AVEN: variants seen among roughly 807,000 people sequenced by gnomAD.
The protein encoded by AVEN is apoptosis and caspase activation inhibitor, also known as cell death regulator Aven.
AVEN carries 41 observed loss-of-function variants against 38.1 expected under a neutral mutation model. That is an observed-to-expected ratio of 1.08 (90% CI 0.84 to 1.40). The LOEUF is 1.40. Ranked by LOEUF, AVEN falls within the 40% of genes most tolerant of loss-of-function variation. The pLI is 0.00. For synonymous variants in AVEN, 206 were observed against 171.8 expected (o/e 1.20, Z -1.56); for missense variants, 605 against 438.8 (o/e 1.38, Z -3.38).
chr15:34,069,536 G>A (rs1567497339), intron 2 of AVEN, among the ~76,000 whole-genome samples: 1 of 152,108 alleles, frequency 6.6e-6, no homozygotes, highest in Non-Finnish European at 1.5e-5. Flanking sequence ...TTTTTGGGGG[G>A]CCAAGAATAT....
At chr15:33,853,828 G>T (rs184587642), downstream of AVEN, 575 of 984,424 alleles carry the variant, frequency 5.8e-4, 4 homozygotes, top group South Asian at 4.1e-3. Flanking sequence ...CACTGGGAGA[G>T]CACTGCCTTA....
chr15:33,980,776 G>C (rs1386319823), intron 2 of AVEN, among the ~76,000 whole-genome samples: 1 of 152,110 alleles, frequency 6.6e-6, no homozygotes, highest in Non-Finnish European at 1.5e-5. Flanking sequence ...ACCTTAACTA[G>C]TTCCCAAATC....
chr15:33,960,936 GA>G (rs1895137951), intron 2 of AVEN, among the ~76,000 whole-genome samples: 1 of 152,142 alleles, frequency 6.6e-6, no homozygotes, highest in East Asian at 1.9e-4. Flanking sequence ...TTTTAAATAT[GA>G]AGTCTTTACA....
chr15:34,008,112 G>A (rs1003993975), intron 1 of AVEN, among the ~76,000 whole-genome samples: 6 of 151,986 alleles, frequency 3.9e-5, no homozygotes, highest in Admixed American at 3.3e-4. Context: ...TATCACAGGA[G>A]AAAAAAATAG....
chr15:33,981,814 G>T lies in AVEN; in HGVS notation c.445+21218C>A, dbSNP rs188523763. On this transcript the variant is annotated intron_variant, in intron 2 of 5. Transcript: ENST00000306730. Reference sequence around the variant, plus strand: ...ATGTATACAAAATACCAAATATCTAGCCAGGTACTCTATAAACAAGTTTTG... The same window carrying T: ...ATGTATACAAAATACCAAATATCTATCCAGGTACTCTATAAACAAGTTTTG... Among the ~76,000 whole-genome samples the T allele has an allele frequency of 1.2e-3, 182 of 152,044 alleles. 1 individual carries two copies. Among genetic ancestry groups the T allele is most frequent in the African/African-American group, 4.2e-3 (173 of 41,466 alleles).
At chr15:33,883,605 CA>C (rs1176986982) in intron 2 of AVEN, 1 of 151,992 alleles carries the variant, frequency 6.6e-6, no homozygotes, top group South Asian at 2.1e-4. Flanking sequence ...ATGTATATCA[CA>C]AAAAATACTA....
At chr15:33,871,897 A>G (rs1374765100) in intron 3 of AVEN, among the ~76,000 whole-genome samples, 1 of 152,218 alleles carries the variant, frequency 6.6e-6, no homozygotes, top group East Asian at 1.9e-4. Flanking sequence ...AATTGCTTTT[A>G]ATACTAAACT....
At chr15:34,009,120 GA>G (rs923600036) in intron 1 of AVEN, among the ~76,000 whole-genome samples, 1 of 151,334 alleles carries the variant, frequency 6.6e-6, no homozygotes, top group African/African-American at 2.4e-5. Context: ...GTGTTGCTAG[GA>G]AAAAAAATAA....
intron 2 of AVEN, among the ~76,000 whole-genome samples, chr15:33,924,879 T>G (rs1893555589): frequency 6.6e-6 from 1 of 152,160 alleles, no homozygotes; most frequent in Non-Finnish European, 1.5e-5. Context: ...CTGAATTAAA[T>G]AGATAATATA....
At chr15:34,000,211 T>C (rs148009091) in intron 2 of AVEN, among the ~76,000 whole-genome samples, 306 of 152,370 alleles carry the variant, frequency 2.0e-3, no homozygotes, top group African/African-American at 7.0e-3. Flanking sequence ...ATTTCTATTC[T>C]AAGCAATTAT....
intron 2 of AVEN, among the ~76,000 whole-genome samples, chr15:33,898,182 C>T (rs1367280313): frequency 2.6e-5 from 4 of 152,162 alleles, no homozygotes; most frequent in Non-Finnish European, 5.9e-5. Context: ...GTGCGAGACT[C>T]CGTCTCAAAA....
chr15:33,939,915 T>C (rs1894249671), intron 2 of AVEN, among the ~76,000 whole-genome samples: 1 of 152,200 alleles, frequency 6.6e-6, no homozygotes, highest in Non-Finnish European at 1.5e-5. Flanking sequence ...ACGTTAAATT[T>C]ACCATCTCAA....
At position 33,938,207 on chromosome 15, in the gene AVEN, T is replaced by C. The variant is rs368873603; in HGVS notation, c.446-62212A>G. Among the ~76,000 whole-genome samples the C allele has an allele frequency of 4.6e-5, 7 of 152,074 alleles. No individual in the cohort carries two copies. The East Asian group carries it at 1.4e-3, about 29-fold the overall frequency. ...GCGGTGGCTCACGCCTGTAATCCCA[T>C]TACTTTGGGAGGCCGAGGTGGGCGG... On this transcript the variant is annotated intron_variant, in intron 2 of 5. Transcript: ENST00000306730.
intron 4 of AVEN, 98 bp downstream of exon 4, chr15:33,870,837 G>C: frequency 1.3e-6 from 1 of 788,092 alleles, no homozygotes; most frequent in Non-Finnish European, 1.9e-6. Flanking sequence ...TTTTATAAAG[G>C]GAAGCTGACA....
chr15:33,854,997 G>A, downstream of AVEN: 3 of 1,298,136 alleles, frequency 2.3e-6, no homozygotes, highest in East Asian at 2.6e-5. Context: ...GTATATGACA[G>A]GAAGGAATAT....
chr15:33,900,613 G>C (rs1183011074), intron 2 of AVEN, among the ~76,000 whole-genome samples: 4 of 118,520 alleles, frequency 3.4e-5, no homozygotes, highest in Non-Finnish European at 7.6e-5. Flanking sequence ...AGCCAATTTA[G>C]TAATTTTTAA....
intron 1 of AVEN, among the ~76,000 whole-genome samples, chr15:34,071,001 C>G (rs114234601): frequency 0.015 from 2,358 of 152,246 alleles, 71 homozygotes; most frequent in African/African-American, 0.053. Context: ...CGTGTCAATG[C>G]GTCTGTCCAA....
chr15:34,046,159 T>C (rs1010136580), intron 5 of AVEN, among the ~76,000 whole-genome samples: 1 of 152,172 alleles, frequency 6.6e-6, no homozygotes, highest in Non-Finnish European at 1.5e-5. Context: ...TAATCAATGA[T>C]TTAAGAAGTT....
In AVEN at chr15:34,039,041, C is replaced by G; in HGVS notation, c.6G>C (p.Gln2His). 1 of 1,110,870 alleles carries G rather than the reference C, an allele frequency of 9.0e-7. No homozygotes were observed. Among genetic ancestry groups the G allele is most frequent in the Non-Finnish European group, 1.1e-6 (1 of 912,996 alleles). 68.8% of individuals were successfully genotyped at this position (1,110,870 alleles called of 1,614,324 possible). Residue 2 changes from glutamine (Q) to histidine (H), a missense_variant, in exon 1 of 6, where the codon CAG (glutamine) becomes CAC (histidine). Coordinates refer to ENST00000306730, the MANE Select transcript of AVEN (RefSeq NM_020371.3). ...GGCCTCCCCGAGCTCCTCGCTCCGC[C>G]TGCATCTGGCCGCCGCTGGCGGTGC... M[Q>H]AERGARGGRG...
Sources: allele counts gnomAD v4.1 joint callset (sites outside exome capture counted in the v4.1 genomes callset), GRCh38; gene constraint gnomAD v4.1.1; transcripts MANE v1.5; gene names NCBI Gene and HGNC (gene_info 2026-07-23, HGNC 2026-07-21).